The following SLC2A13 variants were observed in gnomAD, a reference collection of about 807,000 sequenced individuals.
The protein encoded by SLC2A13 is solute carrier family 2 member 13, also known as proton myo-inositol cotransporter.
In SLC2A13, 32 loss-of-function variants were observed where a neutral mutation model predicts 64.4. That is an observed-to-expected ratio of 0.50 (90% CI 0.37 to 0.67). The LOEUF (loss-of-function observed/expected upper bound fraction) is 0.67, where lower values mean the gene tolerates loss of function less well. SLC2A13 is among the 30% of genes least tolerant of loss of function. The probability of loss-of-function intolerance (pLI) is 0.00; values close to 1 mark genes in which losing one functional copy is unlikely to be tolerated. For synonymous variants in SLC2A13, 338 were observed against 327.1 expected (o/e 1.03, Z -0.36); for missense variants, 743 against 829.2 (o/e 0.90, Z 1.28).
intron 3 of SLC2A13, among the ~76,000 whole-genome samples, chr12:39,966,480 T>C (rs980166830): frequency 6.6e-6 from 1 of 152,148 alleles, no homozygotes; most frequent in African/African-American, 2.4e-5. Flanking sequence ...AGAGAATGAT[T>C]AACAGCAGGA....
chr12:39,914,482 C>T (rs1413183227), intron 4 of SLC2A13, among the ~76,000 whole-genome samples: 3 of 151,928 alleles, frequency 2.0e-5, no homozygotes, highest in Non-Finnish European at 4.4e-5. Flanking sequence ...CGGATTGTAT[C>T]ATACACAAGG....
At chr12:40,099,589 A>G (rs1939078072) in intron 1 of SLC2A13, among the ~76,000 whole-genome samples, 1 of 152,224 alleles carries the variant, frequency 6.6e-6, no homozygotes, top group Non-Finnish European at 1.5e-5. Flanking sequence ...CAAGGAAGTC[A>G]CGTGAACAAT....
intron 4 of SLC2A13, among the ~76,000 whole-genome samples, chr12:39,903,583 A>C (rs1053759945): frequency 1.3e-5 from 2 of 152,030 alleles, no homozygotes; most frequent in Non-Finnish European, 2.9e-5. Context: ...GGCAAAAACC[A>C]AACTCATGAG....
At chr12:39,886,056 C>T (rs570180188) in intron 4 of SLC2A13, among the ~76,000 whole-genome samples, 1 of 152,060 alleles carries the variant, frequency 6.6e-6, no homozygotes, top group South Asian at 2.1e-4. Flanking sequence ...GTGTTTAAGC[C>T]CTCTTACACT....
chr12:39,955,786 G>A (rs1288756565), intron 3 of SLC2A13, among the ~76,000 whole-genome samples: 2 of 152,118 alleles, frequency 1.3e-5, no homozygotes, highest in Non-Finnish European at 2.9e-5. Context: ...GACAAATGCA[G>A]AGATTGGACC....
chr12:39,764,910 C>T (rs1161795366), intron 7 of SLC2A13, 52 bp from the exon 8 acceptor site: 1 of 1,574,812 alleles, frequency 6.3e-7, no homozygotes, highest in Non-Finnish European at 8.7e-7. Flanking sequence ...ACTACAGTTG[C>T]AGAAATTCAA....
At chr12:39,870,586 G>T (rs1944021908) in intron 5 of SLC2A13, among the ~76,000 whole-genome samples, 1 of 152,048 alleles carries the variant, frequency 6.6e-6, no homozygotes, top group Non-Finnish European at 1.5e-5. Flanking sequence ...TTCTTCAACA[G>T]GTTTATAAAC....
chr12:39,932,539 T>C (rs1253825668), intron 4 of SLC2A13, among the ~76,000 whole-genome samples: 1 of 152,152 alleles, frequency 6.6e-6, no homozygotes, highest in Non-Finnish European at 1.5e-5. Flanking sequence ...GTTCAAAGGT[T>C]AACAGTACAG....
At chr12:39,838,387 T>G (rs1247058896) in intron 6 of SLC2A13, among the ~76,000 whole-genome samples, 1 of 144,906 alleles carries the variant, frequency 6.9e-6, no homozygotes, top group African/African-American at 2.6e-5. Flanking sequence ...ATATACCTAA[T>G]GCTAGATGAC....
chr12:40,085,139 C>A (rs914748419), intron 1 of SLC2A13, among the ~76,000 whole-genome samples: 1 of 152,224 alleles, frequency 6.6e-6, no homozygotes, highest in Non-Finnish European at 1.5e-5. Flanking sequence ...CATGTACCAA[C>A]AGTGGAGGAC....
chr12:39,790,123 TG>T (rs1410853252), intron 7 of SLC2A13, among the ~76,000 whole-genome samples: 45 of 30,540 alleles, frequency 1.5e-3, no homozygotes, highest in African/African-American at 3.0e-3. Context: ...CATTCTTTTG[TG>T]TTCTTTTTTT....
chr12:40,068,824 T>C (rs1377121575), intron 1 of SLC2A13, among the ~76,000 whole-genome samples: 1 of 148,844 alleles, frequency 6.7e-6, no homozygotes, highest in African/African-American at 2.5e-5. Flanking sequence ...TAATATGAGA[T>C]CTCTTGTTTT....
chr12:39,845,541 A>G lies in SLC2A13; in HGVS notation c.1320-15313T>C, dbSNP rs148603538. On this transcript the variant is annotated intron_variant, in intron 6 of 9. Transcript: ENST00000280871. ...GGTTTTCTGATTTTCATGAAAAACT[A>G]TATGTGTGAATGTGGAGGACAAAGT... Among the ~76,000 whole-genome samples, 943 of 152,250 alleles carry G rather than the reference A, an allele frequency of 6.2e-3. 12 individuals carry two copies. Among genetic ancestry groups the G allele is most frequent in the African/African-American group, 0.021 (891 of 41,566 alleles).
intron 3 of SLC2A13, among the ~76,000 whole-genome samples, chr12:39,955,625 T>C (rs1946302190): frequency 6.6e-6 from 1 of 152,162 alleles, no homozygotes; most frequent in African/African-American, 2.4e-5. Flanking sequence ...CTGTATTATC[T>C]TAGATGTCAA....
At chr12:39,770,335 C>T (rs1332991008) in intron 7 of SLC2A13, among the ~76,000 whole-genome samples, 1 of 152,094 alleles carries the variant, frequency 6.6e-6, no homozygotes, top group Non-Finnish European at 1.5e-5. Context: ...CTGCCATGGC[C>T]TCAAATGCAA....
In SLC2A13 at chr12:39,975,076, A is replaced by G. The variant is rs576480485; in HGVS notation, c.926-23711T>C. ...TGTTACATGAGCAAATGCTTTTGCT[A>G]GGCCTGGAAAGGGCTGAATTACTAT... On this transcript the variant is annotated intron_variant, in intron 3 of 9. Coordinates refer to ENST00000280871, the MANE Select transcript of SLC2A13 (RefSeq NM_052885.4). Among the ~76,000 whole-genome samples, 153 of 152,348 alleles carry G rather than the reference A, an allele frequency of 1.0e-3. 1 individual carries two copies. The highest frequency in any genetic ancestry group is 3.4e-3 in the African/African-American group (140 of 41,586).
chr12:39,995,136 CT>C (rs1294738141), intron 3 of SLC2A13, among the ~76,000 whole-genome samples: 6 of 152,062 alleles, frequency 3.9e-5, no homozygotes, highest in Admixed American at 3.9e-4. Context: ...GTGCAGGTCT[CT>C]TTTTTAAAAA....
chr12:39,779,135 G>A (rs373101907), intron 7 of SLC2A13, among the ~76,000 whole-genome samples: 30 of 152,286 alleles, frequency 2.0e-4, no homozygotes, highest in African/African-American at 6.7e-4. Context: ...CCTGAGCTGG[G>A]TGGCCTATGG....
At chr12:40,104,354 C>T (rs552933647) in intron 1 of SLC2A13, among the ~76,000 whole-genome samples, 2 of 152,320 alleles carry the variant, frequency 1.3e-5, no homozygotes, top group South Asian at 4.1e-4. Context: ...CTGCCAAAAA[C>T]TTGCCAATTG....
Sources: gnomAD v4.1 joint callset for allele counts (sites outside exome capture counted in the v4.1 genomes callset) on GRCh38, gnomAD v4.1.1 for gene constraint, MANE v1.5 for transcripts, NCBI Gene and HGNC (gene_info 2026-07-23, HGNC 2026-07-21) for gene names.